The following PCDH15 variants were observed in gnomAD, a reference collection of about 807,000 sequenced individuals.
The protein encoded by PCDH15 is protocadherin-15.
Under a neutral mutation model 178.5 loss-of-function variants are expected in PCDH15, and 129 were observed. The observed-to-expected ratio is 0.72, with a 90% CI of 0.63 to 0.84. PCDH15 has a LOEUF of 0.84. Ranked by LOEUF, PCDH15 falls within the 40% of genes least tolerant of loss-of-function variation. The pLI, the probability that PCDH15 is intolerant of heterozygous loss-of-function variation, is 0.00. For missense variants in PCDH15, 2,230 were observed against 2,099.9 expected, an observed-to-expected ratio of 1.06 and a Z score of -1.21; for synonymous variants, 800 against 732.0, an observed-to-expected ratio of 1.09 and a Z score of -1.50.
At chr10:55,430,138 A>C (rs1201262889) in intron 2 of PCDH15, among the ~76,000 whole-genome samples, 1 of 152,112 alleles carries the variant, frequency 6.6e-6, no homozygotes, top group Non-Finnish European at 1.5e-5. Flanking sequence ...AAAAATAAAG[A>C]AAGTTAGCCA....
intron 15 of PCDH15, among the ~76,000 whole-genome samples, chr10:54,107,362 C>T (rs2094934103): frequency 1.3e-5 from 2 of 152,126 alleles, no homozygotes; most frequent in Non-Finnish European, 2.9e-5. Flanking sequence ...TTTCATAAAC[C>T]ATTACAACGC....
chr10:55,564,671 G>A (rs1380788934), intron 2 of PCDH15, among the ~76,000 whole-genome samples: 6 of 151,528 alleles, frequency 4.0e-5, no homozygotes, highest in East Asian at 3.9e-4. Flanking sequence ...AGAAAAAGAC[G>A]CTCCATGTAA....
At chr10:54,599,966 C>G in intron 2 of PCDH15, 2 of 1,118,962 alleles carry the variant, frequency 1.8e-6, no homozygotes, top group Non-Finnish European at 2.6e-6. Context: ...GTGGAAAAGC[C>G]AGAAAAAGCC....
At chr10:55,600,641 T>C (rs1001338407) in intron 2 of PCDH15, among the ~76,000 whole-genome samples, 15 of 152,116 alleles carry the variant, frequency 9.9e-5, no homozygotes, top group African/African-American at 3.6e-4. Flanking sequence ...TGATCTGAGT[T>C]CAGACCAGAG....
In PCDH15 at chr10:55,387,094, T is replaced by C. The variant is rs76863487; in HGVS notation, c.-155-220443A>G. On this transcript the variant is annotated intron_variant, in intron 2 of 5. Transcript: ENST00000613346. Reference sequence around the variant, plus strand: ...CTTTTTTATTTGATTTTTTAAAATATCGTGCCATTATTTTTGAACTAAAGT... The same window carrying C: ...CTTTTTTATTTGATTTTTTAAAATACCGTGCCATTATTTTTGAACTAAAGT... Among the ~76,000 whole-genome samples the C allele has an allele frequency of 6.6e-3, 1,001 of 152,250 alleles. 9 individuals carry two copies. Among genetic ancestry groups the C allele is most frequent in the African/African-American group, 0.023 (963 of 41,552 alleles).
At chr10:54,018,050 G>A (rs1911375) in intron 20 of PCDH15, among the ~76,000 whole-genome samples, 115,111 of 151,994 alleles carry the variant, frequency 0.76, 43,804 homozygotes, top group Middle Eastern at 0.86. Context: ...CAATCATACT[G>A]CAACCTAAGA....
intron 18 of PCDH15, among the ~76,000 whole-genome samples, chr10:54,031,037 C>T (rs149160956): frequency 1.3e-5 from 2 of 152,120 alleles, no homozygotes; most frequent in Non-Finnish European, 2.9e-5. Context: ...CAGCTTTTAA[C>T]GCTTCTGCTT....
At chr10:54,289,517 C>T (rs2059258562) in intron 8 of PCDH15, among the ~76,000 whole-genome samples, 1 of 152,146 alleles carries the variant, frequency 6.6e-6, no homozygotes, top group Admixed American at 6.5e-5. Flanking sequence ...TCCTCACCAG[C>T]AACAGAGCAA....
chr10:54,178,953 C>T (rs1008114249), intron 13 of PCDH15, among the ~76,000 whole-genome samples: 1 of 152,100 alleles, frequency 6.6e-6, no homozygotes, highest in African/African-American at 2.4e-5. Context: ...AATAGGAACA[C>T]TTTTACACTG....
At chr10:55,602,246 G>C (rs1387137188) in intron 2 of PCDH15, among the ~76,000 whole-genome samples, 1 of 152,190 alleles carries the variant, frequency 6.6e-6, no homozygotes, top group Non-Finnish European at 1.5e-5. Flanking sequence ...TACGCCCACG[G>C]AGTATCGCTG....
At chr10:54,712,947 T>C (rs1468197086) in intron 1 of PCDH15, among the ~76,000 whole-genome samples, 2 of 152,040 alleles carry the variant, frequency 1.3e-5, no homozygotes, top group African/African-American at 2.4e-5. Flanking sequence ...CTGTAAGAGA[T>C]GTATGATAGA....
At chr10:54,551,761 A>G (rs1180447098) in intron 2 of PCDH15, among the ~76,000 whole-genome samples, 1 of 151,916 alleles carries the variant, frequency 6.6e-6, no homozygotes, top group African/African-American at 2.4e-5. Flanking sequence ...TCTTTTTACA[A>G]TTTTTTCATT....
chr10:55,326,961 C>G (rs992056829), intron 2 of PCDH15, among the ~76,000 whole-genome samples: 1 of 152,002 alleles, frequency 6.6e-6, no homozygotes, highest in African/African-American at 2.4e-5. Flanking sequence ...TAGACATAGA[C>G]CTTACATAGT....
chr10:54,361,267 C>G (rs986566740), intron 5 of PCDH15, among the ~76,000 whole-genome samples: 2 of 152,008 alleles, frequency 1.3e-5, no homozygotes, highest in Non-Finnish European at 2.9e-5. Flanking sequence ...AGTTAAAATT[C>G]GTGTTGTCCA....
intron 2 of PCDH15, among the ~76,000 whole-genome samples, chr10:55,519,413 G>A (rs899288105): frequency 2.0e-5 from 3 of 151,944 alleles, no homozygotes; most frequent in African/African-American, 4.8e-5. Context: ...AAGGTGTGTG[G>A]GGACGGGTGG....
chr10:54,862,703 G>T (rs2131782436), intron 3 of PCDH15, among the ~76,000 whole-genome samples: 1 of 152,226 alleles, frequency 6.6e-6, no homozygotes, highest in African/African-American at 2.4e-5. Context: ...AAAACAGCCT[G>T]GCTTCATTGG....
intron 2 of PCDH15, among the ~76,000 whole-genome samples, chr10:55,118,767 G>T (rs1175488819): frequency 6.6e-6 from 1 of 152,206 alleles, no homozygotes; most frequent in African/African-American, 2.4e-5. Context: ...AGCAAAGTCT[G>T]AAAGAATCTG....
intron 2 of PCDH15, among the ~76,000 whole-genome samples, chr10:55,592,140 T>C (rs1842853574): frequency 6.6e-6 from 1 of 152,094 alleles, no homozygotes; most frequent in South Asian, 2.1e-4. Context: ...TCTTTAGAGA[T>C]TTCTTATTGC....
chr10:54,300,946 C>T (rs1343432887), intron 8 of PCDH15, among the ~76,000 whole-genome samples: 3 of 152,140 alleles, frequency 2.0e-5, no homozygotes, highest in African/African-American at 4.8e-5. Flanking sequence ...TTTTTTCACT[C>T]CTCACAATAA....
Sources: gnomAD v4.1 joint callset for allele counts (sites outside exome capture counted in the v4.1 genomes callset) on GRCh38, gnomAD v4.1.1 for gene constraint, MANE v1.5 for transcripts, NCBI Gene and HGNC (gene_info 2026-07-23, HGNC 2026-07-21) for gene names.